The following F2R variants were observed in gnomAD, a reference collection of about 807,000 sequenced individuals.
F2R encodes proteinase-activated receptor 1.
In F2R, 12 loss-of-function variants were observed where a neutral mutation model predicts 18.3. The observed-to-expected ratio is 0.66, with a 90% CI of 0.42 to 1.06. F2R has a LOEUF of 1.06. F2R is among the 50% of genes least tolerant of loss of function. F2R has a pLI of 0.00. For synonymous variants in F2R, 210 were observed against 219.9 expected, an observed-to-expected ratio of 0.95 and a Z score of 0.40; for missense variants, 438 against 530.8, an observed-to-expected ratio of 0.83 and a Z score of 1.72.
At chr5:76,731,266 C>T (rs1386330531) in intron 1 of F2R, among the ~76,000 whole-genome samples, 2 of 152,074 alleles carry the variant, frequency 1.3e-5, no homozygotes, top group Non-Finnish European at 2.9e-5. Flanking sequence ...GGACATTGGC[C>T]GTAGAATTGG....
chr5:76,728,777 G>A (rs1198168143), intron 1 of F2R, among the ~76,000 whole-genome samples: 4 of 132,378 alleles, frequency 3.0e-5, no homozygotes, highest in South Asian at 2.6e-4. Flanking sequence ...TGCAACCTCC[G>A]CCTCCTGCGT....
At position 76,732,252 on chromosome 5, in the gene F2R, G is replaced by A. The variant is rs1242850406; in HGVS notation, c.89-62G>A. On this transcript the variant is annotated intron_variant, in intron 1 of 1. Transcript: ENST00000319211. The stretch of plus-strand genomic sequence containing the variant: ...AAGTAAAATATGCTCTCTGCTTGTC[G>A]CTTTTGCCTTGTTGATGCGTTCACT... 5.4e-6 allele frequency: 7 copies of A among 1,299,648 alleles called. No homozygotes were observed. In the East Asian group the frequency reaches 7.5e-5, roughly 14 times the overall value. 80.5% of individuals were successfully genotyped at this position (1,299,648 alleles called of 1,614,324 possible). A position where few individuals can be genotyped will look rare whatever the true frequency, so the allele number is the denominator to read the frequency against.
At chr5:76,731,552 C>T (rs1345391910) in intron 1 of F2R, among the ~76,000 whole-genome samples, 11 of 149,568 alleles carry the variant, frequency 7.4e-5, no homozygotes, top group Admixed American at 2.0e-4. Context: ...TTTTTTGAGA[C>T]GGAGTCTCAC....
At chr5:76,732,245 G>A (rs1748680714) in intron 1 of F2R, 69 bp from the exon 2 acceptor site, 2 of 1,228,310 alleles carry the variant, frequency 1.6e-6, no homozygotes, top group Non-Finnish European at 2.2e-6. Context: ...TATGCTCTCT[G>A]CTTGTCGCTT....
chr5:76,718,105 T>C (rs139408085), intron 1 of F2R, among the ~76,000 whole-genome samples: 2 of 152,276 alleles, frequency 1.3e-5, no homozygotes, highest in Non-Finnish European at 2.9e-5. Context: ...AATTTTCACT[T>C]GGATTGTCTC....
Position 76,733,388 on chromosome 5 carries a change from G to A in F2R, c.1163G>A (p.Cys388Tyr). ...CQRYVYSILCCKESSDPSSYN... is the reference protein window; with the variant it reads ...CQRYVYSILCYKESSDPSSYN... ...AGGTACGTCTACAGTATCTTATGCT[G>A]CAAAGAAAGTTCCGATCCCAGCAGT... The change falls in exon 2 of 2, where the codon TGC becomes TAC. Residue 388 changes from cysteine (C) to tyrosine (Y), a missense_variant. By Grantham distance (194) the Cys-to-Tyr change is radical. Transcript: ENST00000319211. 1 of 1,614,152 alleles carries A rather than the reference G, an allele frequency of 6.2e-7. No individual in the cohort carries two copies. The highest frequency in any genetic ancestry group is 1.6e-4 in the Middle Eastern group (1 of 6,062).
chr5:76,731,511 T>C, intron 1 of F2R, among the ~76,000 whole-genome samples: 1 of 151,094 alleles, frequency 6.6e-6, no homozygotes, highest in South Asian at 2.1e-4. Context: ...CCCTCTACTT[T>C]TTTTTTTTTT....
intron 1 of F2R, among the ~76,000 whole-genome samples, chr5:76,723,513 A>G (rs930768064): frequency 2.0e-5 from 3 of 152,222 alleles, no homozygotes; most frequent in Non-Finnish European, 4.4e-5. Context: ...AAATGTTAGA[A>G]TTATATGAAC....
rs1748705444 is a variant in F2R at position 76,733,040 on chromosome 5, C to G, written c.815C>G (p.Ser272Ter). 1 of 1,614,094 alleles carries G rather than the reference C, an allele frequency of 6.2e-7. No homozygotes were observed. Among genetic ancestry groups the G allele is most frequent in the Non-Finnish European group, 8.5e-7 (1 of 1,180,058 alleles). The change falls in exon 2 of 2, where the codon TCA (serine) becomes TGA (stop). Residue 272 changes from serine to a stop codon, truncating the protein, a stop_gained. Transcript: ENST00000319211. LOFTEE classifies it high-confidence loss of function. Reference sequence around the variant, plus strand: ...GAAGGCTACTATGCCTACTACTTCTCAGCCTTCTCTGCTGTCTTCTTTTTT... The same window carrying G: ...GAAGGCTACTATGCCTACTACTTCTGAGCCTTCTCTGCTGTCTTCTTTTTT... ...LLEGYYAYYF[S>*]AFSAVFFFVP...
chr5:76,732,909 T>G lies in F2R; in HGVS notation c.684T>G (p.Ala228=). The change falls in exon 2 of 2, where the codon GCT becomes GCG. Residue 228 remains alanine, a synonymous_variant. Coordinates refer to ENST00000319211, the MANE Select transcript of F2R (RefSeq NM_001992.5). The part of the protein sequence containing the change: ...RASFTCLAIW[A]LAIAGVVPLL... ...CCTTCACTTGTCTGGCCATCTGGGC[T>G]TTGGCCATCGCAGGGGTAGTGCCTC... is the stretch of plus-strand genomic sequence containing the variant. 1 of 1,614,164 alleles carries G rather than the reference T, an allele frequency of 6.2e-7. No homozygotes were observed. Among genetic ancestry groups the G allele is most frequent in the Non-Finnish European group, 8.5e-7 (1 of 1,180,042 alleles).
At chr5:76,728,123 G>GTT (rs545716536) in intron 1 of F2R, among the ~76,000 whole-genome samples, 1 of 152,002 alleles carries the variant, frequency 6.6e-6, no homozygotes, top group Non-Finnish European at 1.5e-5. Context: ...TTTGAAATAT[G>GTT]CATAACTTGT....
At position 76,735,672 on chromosome 5, in the gene F2R, A is replaced by AT. The variant is rs1748770342; in HGVS notation, c.*2170dup. 3.3e-5 allele frequency: 5 copies of AT among 151,790 alleles called. No homozygotes were observed. Among genetic ancestry groups the AT allele is most frequent in the Admixed American group, 3.3e-4 (5 of 15,258 alleles). 9.4% of individuals were successfully genotyped at this position (151,790 alleles called of 1,614,324 possible). On this transcript the variant is annotated 3_prime_UTR_variant, in exon 2 of 2. Coordinates refer to ENST00000319211, the MANE Select transcript of F2R (RefSeq NM_001992.5). ...TTTATTAGTCTGTATATATTAAAAT[A>AT]TGATATCATTAATGTACTTACAAAA...
At chr5:76,724,334 G>T (rs1408426126) in intron 1 of F2R, among the ~76,000 whole-genome samples, 2 of 152,212 alleles carry the variant, frequency 1.3e-5, no homozygotes, top group Non-Finnish European at 2.9e-5. Context: ...GCTTCCCGAA[G>T]TGCTGGCATT....
chr5:76,734,469 A>C lies in F2R; in HGVS notation c.*966A>C, dbSNP rs896227667. The C allele has an allele frequency of 2.0e-5, 3 of 152,248 alleles. No homozygotes were observed. Among genetic ancestry groups the C allele is most frequent in the Non-Finnish European group, 4.4e-5 (3 of 67,970 alleles). 9.4% of individuals were successfully genotyped at this position (152,248 alleles called of 1,614,324 possible). ...AGAAACTGGCAAAGCAGAATGTGAT[A>C]TCCTAGGAGGTAATGACCATGAAAG... On this transcript the variant is annotated 3_prime_UTR_variant, in exon 2 of 2. Transcript: ENST00000319211.
intron 1 of F2R, among the ~76,000 whole-genome samples, chr5:76,722,691 G>T (rs1748487501): frequency 6.6e-6 from 1 of 152,332 alleles, no homozygotes; most frequent in South Asian, 2.1e-4. Flanking sequence ...GGTGGCTCAT[G>T]CCTGTAATCC....
In F2R at chr5:76,732,756, C is replaced by T. The variant is rs758102941; in HGVS notation, c.531C>T (p.Phe177=). The T allele has an allele frequency of 7.4e-6, 12 of 1,614,016 alleles. No individual in the cohort carries two copies. Among genetic ancestry groups the T allele is most frequent in the African/African-American group, 4.0e-5 (3 of 74,894 alleles). The part of the protein sequence containing the change: ...DWQFGSELCR[F]VTAAFYCNMY... Reference sequence around the variant, plus strand: ...AGTTTGGGTCTGAATTGTGTCGCTTCGTCACTGCAGCATTTTACTGTAACA... The same window carrying T: ...AGTTTGGGTCTGAATTGTGTCGCTTTGTCACTGCAGCATTTTACTGTAACA... The change falls in exon 2 of 2, where the codon TTC becomes TTT. Residue 177 remains phenylalanine, a synonymous_variant. Transcript: ENST00000319211.
At chr5:76,716,649 A>G in intron 1 of F2R, 1 of 746,032 alleles carries the variant, frequency 1.3e-6, no homozygotes, top group Non-Finnish European at 2.4e-6. Context: ...TTGGATATGG[A>G]GGAGGATGGA....
At position 76,716,147 on chromosome 5, in the gene F2R, C is replaced by T. The variant is rs921370681; in HGVS notation, c.-161C>T. On this transcript the variant is annotated 5_prime_UTR_variant, in exon 1 of 2. Coordinates refer to ENST00000319211, the MANE Select transcript of F2R (RefSeq NM_001992.5). ...CGCTAACCGCCCCAGACACAGCGCT[C>T]GCCGAGGGTCGCTTGGACCCTGATC... The T allele has an allele frequency of 4.1e-6, 2 of 485,988 alleles. No individual in the cohort carries two copies. The highest frequency in any genetic ancestry group is 6.6e-6 in the Non-Finnish European group (2 of 300,918). The allele number at this position is 485,988 out of a possible 1,614,324, so 30.1% of individuals were successfully genotyped here.
At position 76,723,644 on chromosome 5, in the gene F2R, T is replaced by G. The variant is rs369108861; in HGVS notation, c.88+7249T>G. Among the ~76,000 whole-genome samples, 10 of 152,332 alleles carry G rather than the reference T, an allele frequency of 6.6e-5. No individual in the cohort carries two copies. In the East Asian group the frequency reaches 1.2e-3, roughly 18 times the overall value. On this transcript the variant is annotated intron_variant, in intron 1 of 1. Coordinates refer to ENST00000319211, the MANE Select transcript of F2R (RefSeq NM_001992.5). ...AAGAGTTGATACCAAATAAATTATC[T>G]AAATATAAGACAATCTTCACACAAG...
Sources: allele counts gnomAD v4.1 joint callset (sites outside exome capture counted in the v4.1 genomes callset), GRCh38; gene constraint gnomAD v4.1.1; transcripts MANE v1.5; gene names NCBI Gene and HGNC (gene_info 2026-07-23, HGNC 2026-07-21).